The following NPSR1 variants were observed in gnomAD, a reference collection of about 807,000 sequenced individuals.
NPSR1 encodes the protein neuropeptide S receptor 1.
NPSR1 carries 48 observed loss-of-function variants against 46.9 expected under a neutral mutation model. That is an observed-to-expected ratio of 1.02 (90% confidence interval 0.81 to 1.30). NPSR1 has a LOEUF of 1.30. Among genes scored for constraint, NPSR1 ranks in the 50% most tolerant of loss-of-function variants. The pLI, the probability that NPSR1 is intolerant of heterozygous loss-of-function variation, is 0.00. For missense variants in NPSR1, 450 were observed against 449.5 expected (o/e 1.00, Z -0.01); for synonymous variants, 176 against 168.1 (o/e 1.05, Z -0.36).
Position 34,658,562 on chromosome 7 carries a change from A to C in NPSR1, c.147+3A>C. 6.2e-7 allele frequency: 1 copy of C among 1,613,814 alleles called. No homozygotes were observed. Among genetic ancestry groups the C allele is most frequent in the South Asian group, 1.1e-5 (1 of 91,064 alleles). On this transcript the variant is annotated splice_donor_region_variant and intron_variant, in intron 1 of 8. Transcript: ENST00000360581. ...GTTCCTTCTACTACTCCTTTAAGGTAAGTTTCTTGCCTGCGACTCTGAACA... is the reference window on the plus strand; with the variant it reads ...GTTCCTTCTACTACTCCTTTAAGGTCAGTTTCTTGCCTGCGACTCTGAACA...
intron 2 of NPSR1, among the ~76,000 whole-genome samples, chr7:34,756,285 G>A (rs1785840778): frequency 6.6e-6 from 1 of 152,172 alleles, no homozygotes; most frequent in East Asian, 1.9e-4. Flanking sequence ...TTCCCATCTG[G>A]CACCTTCAAA....
chr7:34,868,281 G>C (rs1791366440), intron 8 of NPSR1, among the ~76,000 whole-genome samples: 1 of 151,564 alleles, frequency 6.6e-6, no homozygotes, highest in African/African-American at 2.4e-5. Context: ...TGGGGAGGGA[G>C]GGACCAGGCA....
chr7:34,848,779 TA>T, intron 8 of NPSR1, 116 bp downstream of exon 8: 1 of 901,444 alleles, frequency 1.1e-6, no homozygotes. Flanking sequence ...CCCCCTTTTA[TA>T]GATGAGAGGC....
At chr7:34,696,145 A>T (rs897958812) in intron 2 of NPSR1, among the ~76,000 whole-genome samples, 1 of 152,036 alleles carries the variant, frequency 6.6e-6, no homozygotes, top group Non-Finnish European at 1.5e-5. Context: ...ATAAAAAAGA[A>T]TGAAATCATG....
At position 34,749,705 on chromosome 7, in the gene NPSR1, GC is replaced by G. The variant is rs1785409829; in HGVS notation, c.281-28754del. ...GAGACAAGTTGCCAATCACAGCTTG[GC>G]CCTGATTATTGTAATAACTGACACA... On this transcript the variant is annotated intron_variant, in intron 2 of 8. Transcript: ENST00000360581. 2.6e-5 allele frequency among the ~76,000 whole-genome samples: 4 copies of G among 152,274 alleles called. No individual in the cohort carries two copies. The South Asian group carries it at 8.3e-4, about 32-fold the overall frequency.
intron 3 of NPSR1, among the ~76,000 whole-genome samples, chr7:34,787,497 G>C (rs1343052914): frequency 6.6e-6 from 1 of 152,110 alleles, no homozygotes; most frequent in African/African-American, 2.4e-5. Context: ...TTTTCTTCAA[G>C]AAAGTTTCCC....
intron 3 of NPSR1, among the ~76,000 whole-genome samples, chr7:34,786,472 C>T (rs1157002080): frequency 6.6e-6 from 1 of 152,160 alleles, no homozygotes; most frequent in African/African-American, 2.4e-5. Flanking sequence ...ACCTTCTACA[C>T]TCCTGTAAAT....
chr7:34,808,779 C>T (rs189672026), intron 3 of NPSR1, among the ~76,000 whole-genome samples: 105 of 152,090 alleles, frequency 6.9e-4, no homozygotes, highest in African/African-American at 2.4e-3. Flanking sequence ...TTTTTCAAAA[C>T]TCTGAACATG....
chr7:34,778,655 T>TAGGAATGCAAGG, intron 3 of NPSR1, 90 bp downstream of exon 3: 1 of 798,698 alleles, frequency 1.3e-6, no homozygotes, highest in Non-Finnish European at 2.1e-6. Context: ...AAACCTTGCA[T>TAGGAATGCAAGG]TCCTATGCAT....
intron 2 of NPSR1, among the ~76,000 whole-genome samples, chr7:34,725,141 TCACACA>T (rs1209034062): frequency 7.4e-6 from 1 of 135,632 alleles, no homozygotes; most frequent in African/African-American, 2.6e-5. Context: ...ACACACACAC[TCACACA>T]CACACAGAGC....
chr7:34,760,415 T>C (rs1786113037), intron 2 of NPSR1, among the ~76,000 whole-genome samples: 1 of 152,206 alleles, frequency 6.6e-6, no homozygotes, highest in Admixed American at 6.5e-5. Context: ...ATTACAATTT[T>C]ACAAAGAGCC....
intron 1 of NPSR1, 116 bp downstream of exon 1, chr7:34,658,675 C>T (rs1791305607): frequency 4.6e-6 from 5 of 1,082,864 alleles, no homozygotes; most frequent in Non-Finnish European, 6.7e-6. Context: ...ATTTTCTTTA[C>T]TAAAAAGGAT....
intron 8 of NPSR1, among the ~76,000 whole-genome samples, chr7:34,872,188 G>C (rs567149604): frequency 2.6e-5 from 4 of 152,070 alleles, no homozygotes; most frequent in South Asian, 4.1e-4. Context: ...CCAAGGCATG[G>C]CTTGCACCCT....
At position 34,677,241 on chromosome 7, in the gene NPSR1, AAGCCTCTTCCATT is replaced by A. The variant is rs201424306; in HGVS notation, c.148-7308_148-7296del. 7.0e-3 allele frequency among the ~76,000 whole-genome samples: 1,059 copies of A among 152,322 alleles called. 3 individuals are homozygous for A. Among genetic ancestry groups the A allele is most frequent in the Admixed American group, 1.0e-2 (153 of 15,310 alleles). On this transcript the variant is annotated intron_variant, in intron 1 of 8. Coordinates refer to ENST00000360581, the MANE Select transcript of NPSR1 (RefSeq NM_207172.2). ...CCATTTTCTGCCCACTGGGGACCAG[AAGCCTCTTCCATT>A]AGGCAGAAACTTCATTTCTGGAAAT... is the stretch of plus-strand genomic sequence containing the variant.
intron 2 of NPSR1, among the ~76,000 whole-genome samples, chr7:34,699,957 T>G (rs982996646): frequency 3.3e-5 from 5 of 152,268 alleles, no homozygotes; most frequent in African/African-American, 1.2e-4. Flanking sequence ...TTCTGCTAGC[T>G]TTGTTCAGGC....
intron 2 of NPSR1, among the ~76,000 whole-genome samples, chr7:34,777,088 T>C (rs1371541457): frequency 6.6e-6 from 1 of 152,114 alleles, no homozygotes; most frequent in African/African-American, 2.4e-5. Flanking sequence ...AGCTGGTATC[T>C]CAGTAGTCCA....
At chr7:34,785,386 TG>T (rs1339602552) in intron 3 of NPSR1, among the ~76,000 whole-genome samples, 4 of 62,144 alleles carry the variant, frequency 6.4e-5, no homozygotes, top group African/African-American at 2.7e-4. Context: ...TGTTGTGGGG[TG>T]GGGGGAGGGG....
intron 2 of NPSR1, chr7:34,751,011 G>A (rs1562701738): frequency 6.5e-6 from 5 of 770,476 alleles, no homozygotes; most frequent in South Asian, 1.4e-5. Flanking sequence ...GAACTTCTTG[G>A]CCAGGGCAGC....
chr7:34,798,509 T>A (rs1362867368), intron 3 of NPSR1, among the ~76,000 whole-genome samples: 1 of 152,102 alleles, frequency 6.6e-6, no homozygotes, highest in Non-Finnish European at 1.5e-5. Flanking sequence ...CACTCCAGCC[T>A]GGGTGACAGA....
Sources: allele counts gnomAD v4.1 joint callset (sites outside exome capture counted in the v4.1 genomes callset), GRCh38; gene constraint gnomAD v4.1.1; transcripts MANE v1.5; gene names NCBI Gene and HGNC (gene_info 2026-07-23, HGNC 2026-07-21).